Variants in TMEM150C observed in about 807,000 individuals in gnomAD.
The protein encoded by TMEM150C is tentonin 3.
Under a neutral mutation model 29.9 loss-of-function variants are expected in TMEM150C, and 10 were observed. The observed-to-expected ratio is 0.33, with a 90% CI of 0.21 to 0.57. The LOEUF (loss-of-function observed/expected upper bound fraction) is 0.57, where lower values mean the gene tolerates loss of function less well. Among genes scored for constraint, TMEM150C ranks in the 20% least tolerant of loss-of-function variants. The pLI, the probability that TMEM150C is intolerant of heterozygous loss-of-function variation, is 0.88. For synonymous variants in TMEM150C, 101 were observed against 112.5 expected (o/e 0.90, Z 0.64); for missense variants, 251 against 303.6 (o/e 0.83, Z 1.29).
chr4:82,487,701 G>A (rs928056641), intron 7 of TMEM150C, among the ~76,000 whole-genome samples: 1 of 152,022 alleles, frequency 6.6e-6, no homozygotes, highest in Admixed American at 6.5e-5. Context: ...TAGAACTTTG[G>A]AAAATCAGCA....
rs1201784997 is a variant in TMEM150C, at chr4:82,511,609, GGGACTACA to G, written c.-10-6950_-10-6943del. On this transcript the variant is annotated intron_variant, in intron 1 of 7. Coordinates refer to ENST00000449862, the MANE Select transcript of TMEM150C (RefSeq NM_001080506.3). ...TCCCACTTCAGCTTTCTAAGTAGCT[GGGACTACA>G]GGCGTGTGCCACTATGCCCAGCTAA... Among the ~76,000 whole-genome samples, 4 of 150,964 alleles carry G rather than the reference GGGACTACA, an allele frequency of 2.6e-5. No individual in the cohort carries two copies. In the Admixed American group the frequency reaches 2.7e-4, roughly 10 times the overall value.
chr4:82,534,178 CGTTTATTTTGCAAT>C (rs1404846274), intron 1 of TMEM150C, among the ~76,000 whole-genome samples: 2 of 152,062 alleles, frequency 1.3e-5, no homozygotes, highest in Admixed American at 1.3e-4. Flanking sequence ...TATTTTGCAA[CGTTTATTTTGCAAT>C]GTTCTGGAAG....
intron 6 of TMEM150C, chr4:82,490,731 A>C: frequency 2.7e-6 from 1 of 370,222 alleles, no homozygotes; most frequent in South Asian, 2.2e-5. Flanking sequence ...CCACAGGTAC[A>C]TGCCACCATG....
At chr4:82,489,911 T>G in intron 7 of TMEM150C, 150 bp downstream of exon 7, 1 of 688,976 alleles carries the variant, frequency 1.5e-6, no homozygotes, top group Non-Finnish European at 2.4e-6. Context: ...AAAATTGGTC[T>G]GAGGGTTTTT....
chr4:82,530,875 G>A (rs577185205), intron 1 of TMEM150C, among the ~76,000 whole-genome samples: 10 of 152,288 alleles, frequency 6.6e-5, no homozygotes, highest in Middle Eastern at 6.8e-3. Flanking sequence ...TTACATGGCC[G>A]GAGCAAGAGA....
chr4:82,558,850 G>T (rs986567852), intron 1 of TMEM150C, among the ~76,000 whole-genome samples: 1 of 151,850 alleles, frequency 6.6e-6, no homozygotes, highest in Non-Finnish European at 1.5e-5. Flanking sequence ...TGACCTGCAC[G>T]TATACATCCA....
chr4:82,528,652 G>A (rs1187900096), intron 1 of TMEM150C, among the ~76,000 whole-genome samples: 4 of 148,344 alleles, frequency 2.7e-5, no homozygotes, highest in Non-Finnish European at 5.9e-5. Context: ...AGGCTGGAGT[G>A]CAGTGGTGCA....
At chr4:82,520,775 T>G (rs1346448589) in intron 1 of TMEM150C, among the ~76,000 whole-genome samples, 2 of 151,866 alleles carry the variant, frequency 1.3e-5, no homozygotes, top group Non-Finnish European at 2.9e-5. Flanking sequence ...TCCTAGTTAC[T>G]CAGAAGGCAG....
intron 1 of TMEM150C, among the ~76,000 whole-genome samples, chr4:82,526,308 T>C (rs540873976): frequency 6.6e-6 from 1 of 152,318 alleles, no homozygotes; most frequent in East Asian, 1.9e-4. Flanking sequence ...TAAGAACAAG[T>C]AGAACACATT....
chr4:82,549,786 T>C (rs1725509658), intron 1 of TMEM150C, among the ~76,000 whole-genome samples: 2 of 152,234 alleles, frequency 1.3e-5, no homozygotes, highest in Non-Finnish European at 2.9e-5. Context: ...ATTGTAGAGA[T>C]CGACCTTAAT....
rs1428507587 is a variant in TMEM150C at position 82,500,468 on chromosome 4, A to G, written c.235+2259T>C. Among the ~76,000 whole-genome samples, 3 of 152,204 alleles carry G rather than the reference A, an allele frequency of 2.0e-5. No individual in the cohort carries two copies. In the East Asian group the frequency reaches 5.8e-4, roughly 29 times the overall value. ...TTGCTCCCATTGAACAATAATCTTA[A>G]TCAATTTTATGTCTACCAGATGGCA... On this transcript the variant is annotated intron_variant, in intron 5 of 7. Coordinates refer to ENST00000449862, the MANE Select transcript of TMEM150C (RefSeq NM_001080506.3).
intron 1 of TMEM150C, among the ~76,000 whole-genome samples, chr4:82,537,906 C>A (rs1232639468): frequency 6.6e-6 from 1 of 152,158 alleles, no homozygotes; most frequent in Non-Finnish European, 1.5e-5. Context: ...GGATTTCCGG[C>A]CTCCAGGACT....
intron 1 of TMEM150C, among the ~76,000 whole-genome samples, chr4:82,538,093 C>T (rs2110086167): frequency 6.6e-6 from 1 of 152,300 alleles, no homozygotes; most frequent in South Asian, 2.1e-4. Flanking sequence ...GAGTCTCGCT[C>T]TGTCACCCAG....
intron 1 of TMEM150C, among the ~76,000 whole-genome samples, chr4:82,546,457 T>A (rs1270621754): frequency 6.6e-6 from 1 of 152,008 alleles, no homozygotes; most frequent in African/African-American, 2.4e-5. Flanking sequence ...TTGACAAAAT[T>A]GACAAAAAAT....
intron 1 of TMEM150C, among the ~76,000 whole-genome samples, chr4:82,535,791 G>A (rs1166531888): frequency 6.6e-6 from 1 of 152,172 alleles, no homozygotes; most frequent in Non-Finnish European, 1.5e-5. Context: ...GCTAGTGTAA[G>A]TTAATTTTTA....
At chr4:82,551,317 C>A (rs142453539) in intron 1 of TMEM150C, among the ~76,000 whole-genome samples, 201 of 152,258 alleles carry the variant, frequency 1.3e-3, no homozygotes, top group African/African-American at 4.1e-3. Context: ...GGTCTGTCCT[C>A]CCCACTATAA....
At chr4:82,495,762 T>G in intron 6 of TMEM150C, 1 of 379,038 alleles carries the variant, frequency 2.6e-6, no homozygotes, top group Non-Finnish European at 5.1e-6. Context: ...AACCCTTCCA[T>G]TCTTCACCCA....
intron 1 of TMEM150C, among the ~76,000 whole-genome samples, chr4:82,550,566 C>T (rs1029511803): frequency 1.3e-5 from 2 of 151,926 alleles, no homozygotes; most frequent in South Asian, 4.2e-4. Context: ...TTTGGGAGGC[C>T]GAGGTGGGCG....
chr4:82,546,466 A>G (rs1339619635), intron 1 of TMEM150C, among the ~76,000 whole-genome samples: 4 of 152,230 alleles, frequency 2.6e-5, no homozygotes, highest in Admixed American at 1.3e-4. Context: ...TTGACAAAAA[A>G]TAGGCAATGG....
Sources: allele counts gnomAD v4.1 joint callset (sites outside exome capture counted in the v4.1 genomes callset), GRCh38; gene constraint gnomAD v4.1.1; transcripts MANE v1.5; gene names NCBI Gene and HGNC (gene_info 2026-07-23, HGNC 2026-07-21).